The following SMYD2 variants were observed in gnomAD, a reference collection of about 807,000 sequenced individuals.
The protein encoded by SMYD2 is SET and MYND domain containing 2.
SMYD2 carries 53 observed loss-of-function variants against 59.1 expected under a neutral mutation model. The observed-to-expected ratio is 0.90, with a 90% CI of 0.72 to 1.13. The LOEUF (loss-of-function observed/expected upper bound fraction) is 1.13. Among genes scored for constraint, SMYD2 ranks in the 50% most tolerant of loss-of-function variants. The pLI, the probability that SMYD2 is intolerant of heterozygous loss-of-function variation, is 0.00. For synonymous variants in SMYD2, 208 were observed against 198.8 expected (o/e 1.05, Z -0.39); for missense variants, 494 against 544.7 (o/e 0.91, Z 0.93).
In SMYD2 at chr1:214,312,451, G is replaced by C. The variant is rs903497656; in HGVS notation, c.238-2311G>C. Reference sequence around the variant, plus strand: ...CAAACAACTAATAAATATATAATATGCTCAGGTGGTGAGAAGTACTAAGAA... The same window carrying C: ...CAAACAACTAATAAATATATAATATCCTCAGGTGGTGAGAAGTACTAAGAA... On this transcript the variant is annotated intron_variant, in intron 2 of 11. Transcript: ENST00000366957. This position sits in a 1 kb window ranked among gnomAD's most constrained non-coding sequence, Gnocchi z 4.1. 6.6e-5 allele frequency among the ~76,000 whole-genome samples: 10 copies of C among 152,194 alleles called. No homozygotes were observed. The highest frequency in any genetic ancestry group is 2.4e-4 in the African/African-American group (10 of 41,444).
intron 1 of SMYD2, among the ~76,000 whole-genome samples, chr1:214,289,972 T>A (rs1213990191): frequency 6.6e-6 from 1 of 152,248 alleles, no homozygotes; most frequent in Non-Finnish European, 1.5e-5. Flanking sequence ...TGGCAGGGAA[T>A]TAACTGAAGT....
chr1:214,299,761 C>T (rs1656792119), intron 1 of SMYD2, among the ~76,000 whole-genome samples: 2 of 152,136 alleles, frequency 1.3e-5, no homozygotes, highest in Non-Finnish European at 2.9e-5. Flanking sequence ...CGCCCGCCAC[C>T]ACGCCCAGCT....
In SMYD2 at chr1:214,318,165, C is replaced by T; in HGVS notation, c.409+26C>T. On this transcript the variant is annotated intron_variant, in intron 4 of 11. Transcript: ENST00000366957. The surrounding 1 kb of genome is among the most constrained non-coding windows in gnomAD (Gnocchi z 5.4). ...GTAAGTCTTTCTGTGACCAGCCGCG[C>T]AGTTCTCTCAGCCACAGATTTCACA... The T allele has an allele frequency of 6.2e-7, 1 of 1,608,356 alleles. No individual in the cohort carries two copies. The highest frequency in any genetic ancestry group is 8.5e-7 in the Non-Finnish European group (1 of 1,176,346).
chr1:214,324,426 C>T (rs1472743021), intron 5 of SMYD2, among the ~76,000 whole-genome samples: 1 of 151,224 alleles, frequency 6.6e-6, no homozygotes, highest in African/African-American at 2.4e-5. Context: ...AGGTAGGCTA[C>T]ACTAAGGGAT....
At chr1:214,319,167 T>C (rs570385935) in intron 5 of SMYD2, among the ~76,000 whole-genome samples, 184 bp downstream of exon 5, 2 of 152,210 alleles carry the variant, frequency 1.3e-5, no homozygotes, top group East Asian at 1.9e-4. Flanking sequence ...CAGATCAAGG[T>C]CCCCTCTGCT....
intron 1 of SMYD2, among the ~76,000 whole-genome samples, chr1:214,299,530 T>C (rs941911034): frequency 6.7e-6 from 1 of 148,838 alleles, no homozygotes; most frequent in African/African-American, 2.5e-5. Context: ...AATTATGTCT[T>C]TTGCAGCAAC....
At chr1:214,291,766 G>C (rs1264212670) in intron 1 of SMYD2, among the ~76,000 whole-genome samples, 1 of 152,150 alleles carries the variant, frequency 6.6e-6, no homozygotes, top group Admixed American at 6.5e-5. Flanking sequence ...AACTAAGAGA[G>C]AGCTTCGATC....
At chr1:214,284,957 T>A (rs1656512571) in intron 1 of SMYD2, among the ~76,000 whole-genome samples, 1 of 152,244 alleles carries the variant, frequency 6.6e-6, no homozygotes, top group East Asian at 1.9e-4. Context: ...TTTTGATCTT[T>A]AGTTCTCTTG....
chr1:214,321,761 G>A (rs1420486909), intron 5 of SMYD2, among the ~76,000 whole-genome samples: 1 of 152,176 alleles, frequency 6.6e-6, no homozygotes, highest in East Asian at 1.9e-4. Context: ...CTTTTGCAAG[G>A]TTCTTACACC....
intron 2 of SMYD2, 120 bp from the exon 3 acceptor site, chr1:214,314,642 T>A: frequency 4.3e-6 from 3 of 692,912 alleles, no homozygotes; most frequent in Non-Finnish European, 7.4e-6. Context: ...TCCTCGTGTT[T>A]TCCAAAAGGA....
intron 2 of SMYD2, among the ~76,000 whole-genome samples, chr1:214,306,145 T>A (rs187824308): frequency 3.3e-5 from 5 of 152,322 alleles, no homozygotes; most frequent in African/African-American, 1.2e-4. Flanking sequence ...AGGGTGGCTC[T>A]ACGGGACAGG....
Position 214,281,225 on chromosome 1 carries a change from C to A in SMYD2, c.-30C>A. On this transcript the variant is annotated 5_prime_UTR_variant, in exon 1 of 12. Coordinates refer to ENST00000366957, the MANE Select transcript of SMYD2 (RefSeq NM_020197.3). ...AGCTCGCCGGGAGCCGCAGCTCGGG[C>A]ACAGCCGGCGGCCGCGCCCCGCCGC... The A allele has an allele frequency of 8.2e-7, 1 of 1,226,196 alleles. No individual in the cohort carries two copies. Among genetic ancestry groups the A allele is most frequent in the Non-Finnish European group, 1.0e-6 (1 of 979,478 alleles). 76.0% of individuals were successfully genotyped at this position (1,226,196 alleles called of 1,614,324 possible). A position where few individuals can be genotyped will look rare whatever the true frequency, so the allele number is the denominator to read the frequency against.
chr1:214,284,419 C>G (rs1218304042), intron 1 of SMYD2, among the ~76,000 whole-genome samples: 5 of 151,626 alleles, frequency 3.3e-5, no homozygotes, highest in African/African-American at 4.8e-5. Flanking sequence ...CGTCACCACA[C>G]CTGGCTAATT....
At chr1:214,308,902 G>A (rs1299214192) in intron 2 of SMYD2, among the ~76,000 whole-genome samples, 4 of 152,180 alleles carry the variant, frequency 2.6e-5, no homozygotes, top group Non-Finnish European at 5.9e-5. Flanking sequence ...TAGGAAAGGA[G>A]GTTCTGTGGG....
At chr1:214,325,946 G>T (rs986724966) in intron 6 of SMYD2, among the ~76,000 whole-genome samples, 1 of 151,826 alleles carries the variant, frequency 6.6e-6, no homozygotes. Flanking sequence ...GTAAGGTGCT[G>T]CCGGGCACGC....
In SMYD2 at chr1:214,330,280, TA is replaced by T; in HGVS notation, c.816+4del. ...CAGGAGTGTACCACCAAGGACAAGG[TA>T]AGGTTGTTCATTGGGCAAGAGCGCT... is the stretch of plus-strand genomic sequence containing the variant. On this transcript the variant is annotated splice_donor_region_variant and intron_variant, in intron 8 of 11. Transcript: ENST00000366957. The T allele has an allele frequency of 6.2e-7, 1 of 1,601,450 alleles. No individual in the cohort carries two copies.
Position 214,330,222 on chromosome 1 carries a change from T to C in SMYD2, c.760T>C (p.Leu254=). ...LYPTEDRNDR[L]RDSYFFTCEC... ...CCCAACGGAAGATAGAAATGACCGG[T>C]TAAGAGATTCTTATTTCTTTACCTG... Residue 254 remains leucine (L), a synonymous_variant, in exon 8 of 12, where the codon TTA becomes CTA. Transcript: ENST00000366957. 1 of 1,613,544 alleles carries C rather than the reference T, an allele frequency of 6.2e-7. No individual in the cohort carries two copies. The highest frequency in any genetic ancestry group is 8.5e-7 in the Non-Finnish European group (1 of 1,179,668).
chr1:214,291,576 T>C (rs1263676530), intron 1 of SMYD2, among the ~76,000 whole-genome samples: 1 of 152,216 alleles, frequency 6.6e-6, no homozygotes, highest in Non-Finnish European at 1.5e-5. Flanking sequence ...GTTATTGGGC[T>C]CTCATTTTGA....
intron 3 of SMYD2, among the ~76,000 whole-genome samples, chr1:214,316,927 C>G (rs760346783): frequency 7.2e-5 from 11 of 152,170 alleles, no homozygotes; most frequent in Non-Finnish European, 1.6e-4. Context: ...GTATCAGAGT[C>G]AGTAAGTCAT....
Sources: allele counts gnomAD v4.1 joint callset (sites outside exome capture counted in the v4.1 genomes callset), GRCh38; gene constraint gnomAD v4.1.1; non-coding constraint Gnocchi (gnomAD v3.1); transcripts MANE v1.5; gene names NCBI Gene and HGNC (gene_info 2026-07-23, HGNC 2026-07-21).